The following TDRD7 variants were observed in gnomAD, a reference collection of about 807,000 sequenced individuals.
TDRD7 encodes the protein tudor domain containing 7.
Under a neutral mutation model 109.8 loss-of-function variants are expected in TDRD7, and 47 were observed. The observed-to-expected ratio is 0.43, with a 90% CI of 0.34 to 0.55. The LOEUF (loss-of-function observed/expected upper bound fraction) is 0.55. TDRD7 is among the 20% of genes least tolerant of loss of function. TDRD7 has a pLI of 0.03. For synonymous variants in TDRD7, 424 were observed against 457.3 expected (o/e 0.93, Z 0.93); for missense variants, 1,164 against 1,319.2 (o/e 0.88, Z 1.82).
chr9:97,430,739 C>T (rs1478330501), intron 2 of TDRD7, among the ~76,000 whole-genome samples, 194 bp from the exon 3 acceptor site: 1 of 152,128 alleles, frequency 6.6e-6, no homozygotes. Flanking sequence ...ATTCAATGTA[C>T]TAGACTATGC....
chr9:97,475,339 C>A, intron 11 of TDRD7, 44 bp from the exon 12 acceptor site: 1 of 1,459,222 alleles, frequency 6.9e-7, no homozygotes, highest in Non-Finnish European at 9.6e-7. Flanking sequence ...GCAATATGCT[C>A]TTTGCTAAGA....
chr9:97,488,934 A>AT (rs1829257993), intron 16 of TDRD7, among the ~76,000 whole-genome samples: 1 of 152,174 alleles, frequency 6.6e-6, no homozygotes, highest in Admixed American at 6.5e-5. Context: ...ACTGTGCTTA[A>AT]TCTCTTAAGT....
intron 6 of TDRD7, among the ~76,000 whole-genome samples, chr9:97,446,768 A>G (rs1164834521): frequency 2.0e-5 from 3 of 152,204 alleles, no homozygotes; most frequent in Non-Finnish European, 4.4e-5. Context: ...ATTGTATGAG[A>G]TAATAAAGCA....
intron 14 of TDRD7, among the ~76,000 whole-genome samples, chr9:97,481,286 A>T (rs1351511312): frequency 1.3e-5 from 2 of 152,206 alleles, no homozygotes; most frequent in African/African-American, 4.8e-5. Context: ...GTTTCTAAAG[A>T]TCATTTAAAT....
intron 10 of TDRD7, among the ~76,000 whole-genome samples, chr9:97,473,234 A>G (rs531356843): frequency 3.9e-5 from 6 of 152,344 alleles, no homozygotes; most frequent in Admixed American, 2.0e-4. Context: ...CTTTCAGACA[A>G]TGGAGTATGG....
chr9:97,478,349 G>A, intron 12 of TDRD7, 90 bp from the exon 13 acceptor site: 1 of 1,423,170 alleles, frequency 7.0e-7, no homozygotes, highest in Non-Finnish European at 9.9e-7. Context: ...CTTTTAATAT[G>A]CATTCAGGAT....
intron 5 of TDRD7, among the ~76,000 whole-genome samples, chr9:97,440,045 CTTTTT>C (rs577045725): frequency 3.4e-3 from 503 of 148,048 alleles, no homozygotes; most frequent in African/African-American, 0.012. Flanking sequence ...AGTTGAAATG[CTTTTT>C]TTTTTATAAG....
chr9:97,427,535 C>T (rs74637352), intron 1 of TDRD7, among the ~76,000 whole-genome samples: 2 of 152,282 alleles, frequency 1.3e-5, no homozygotes, highest in East Asian at 3.9e-4. Context: ...AACCTAATTT[C>T]CTAGTGAATA....
intron 4 of TDRD7, among the ~76,000 whole-genome samples, chr9:97,437,632 C>T (rs1587865966): frequency 6.6e-6 from 1 of 152,124 alleles, no homozygotes; most frequent in Non-Finnish European, 1.5e-5. Context: ...TACCACGGTC[C>T]GTTTCTCAAC....
In TDRD7 at chr9:97,483,520, A is replaced by T. The variant is rs111918587; in HGVS notation, c.2915+169A>T. ...TCTAGTATTTAAAATGATGTCACTTATCAAAAAATCTATTGGCCATATTCC... is the reference window on the plus strand; with the variant it reads ...TCTAGTATTTAAAATGATGTCACTTTTCAAAAAATCTATTGGCCATATTCC... On this transcript the variant is annotated intron_variant, in intron 15 of 16. Transcript: ENST00000355295. Among the ~76,000 whole-genome samples, 16 of 152,372 alleles carry T rather than the reference A, an allele frequency of 1.1e-4. 1 individual carries two copies. Among genetic ancestry groups the T allele is most frequent in the African/African-American group, 3.8e-4 (16 of 41,592 alleles).
intron 16 of TDRD7, among the ~76,000 whole-genome samples, chr9:97,491,340 T>C (rs1249645033): frequency 2.0e-5 from 3 of 152,238 alleles, no homozygotes; most frequent in African/African-American, 7.2e-5. Flanking sequence ...GTATTAATCA[T>C]AGTTGTTTTA....
At chr9:97,449,128 A>G (rs963046410) in intron 6 of TDRD7, among the ~76,000 whole-genome samples, 1 of 152,202 alleles carries the variant, frequency 6.6e-6, no homozygotes, top group Non-Finnish European at 1.5e-5. Flanking sequence ...AGAAATTCAT[A>G]TTTTAAGTTT....
Position 97,495,960 on chromosome 9 carries a change from T to G in TDRD7, c.*77T>G. On this transcript the variant is annotated 3_prime_UTR_variant, in exon 17 of 17. Coordinates refer to ENST00000355295, the MANE Select transcript of TDRD7 (RefSeq NM_014290.3). ...AATGTAGTAGGCTTAAAAAAAATCT[T>G]AACTCTGCTACATGGCTCTGACTGC... 8.7e-7 allele frequency: 1 copy of G among 1,152,724 alleles called. No homozygotes were observed. Among genetic ancestry groups the G allele is most frequent in the Non-Finnish European group, 1.3e-6 (1 of 766,908 alleles). The allele number at this position is 1,152,724 out of a possible 1,614,324, so 71.4% of individuals were successfully genotyped here.
chr9:97,439,194 T>C, intron 4 of TDRD7, 51 bp from the exon 5 acceptor site: 1 of 1,449,040 alleles, frequency 6.9e-7, no homozygotes, highest in Non-Finnish European at 9.3e-7. Context: ...AAACTTGGTA[T>C]AGACTTTGTT....
chr9:97,475,237 C>A (rs115372789), intron 11 of TDRD7, 146 bp from the exon 12 acceptor site: 4 of 712,426 alleles, frequency 5.6e-6, no homozygotes, highest in Non-Finnish European at 1.0e-5. Context: ...AGTTTTATAA[C>A]CCTGTGTGTT....
chr9:97,459,810 G>A (rs570386669), intron 6 of TDRD7, among the ~76,000 whole-genome samples: 1 of 152,268 alleles, frequency 6.6e-6, no homozygotes, highest in Admixed American at 6.5e-5. Context: ...ATTCCTGACA[G>A]TTTTAATACC....
At chr9:97,475,983 C>T (rs1448227171) in intron 12 of TDRD7, among the ~76,000 whole-genome samples, 1 of 152,072 alleles carries the variant, frequency 6.6e-6, no homozygotes, top group Non-Finnish European at 1.5e-5. Flanking sequence ...ATTAATATGC[C>T]AACGTTATCA....
intron 6 of TDRD7, among the ~76,000 whole-genome samples, chr9:97,443,049 C>G (rs1200619091): frequency 6.6e-6 from 1 of 152,146 alleles, no homozygotes. Context: ...CCGCCCACCT[C>G]GGCCTCCCAA....
At chr9:97,433,794 T>TAA (rs1163183080) in intron 4 of TDRD7, among the ~76,000 whole-genome samples, 1 of 151,912 alleles carries the variant, frequency 6.6e-6, no homozygotes, top group African/African-American at 2.4e-5. Flanking sequence ...AAATGCAAAT[T>TAA]AAAACCACAA....
Sources: allele counts gnomAD v4.1 joint callset (sites outside exome capture counted in the v4.1 genomes callset), GRCh38; gene constraint gnomAD v4.1.1; transcripts MANE v1.5; gene names NCBI Gene and HGNC (gene_info 2026-07-23, HGNC 2026-07-21).